The following REPS1 variants were observed in gnomAD, a reference collection of about 807,000 sequenced individuals.
REPS1 encodes ralBP1-associated Eps domain-containing protein 1.
A neutral mutation model predicts 100.9 loss-of-function variants in REPS1; 39 were observed. The ratio of observed to expected loss-of-function variants is 0.39; its 90% CI spans 0.30 to 0.50. The LOEUF (loss-of-function observed/expected upper bound fraction) is 0.50. REPS1 is among the 20% of genes least tolerant of loss of function. The pLI, the probability that REPS1 is intolerant of heterozygous loss-of-function variation, is 0.86. For synonymous variants in REPS1, 324 were observed against 340.3 expected (o/e 0.95, Z 0.53); for missense variants, 821 against 968.5 (o/e 0.85, Z 2.02).
chr6:138,976,331 T>C (rs1328133419), intron 1 of REPS1, among the ~76,000 whole-genome samples: 1 of 152,188 alleles, frequency 6.6e-6, no homozygotes, highest in Non-Finnish European at 1.5e-5. Flanking sequence ...AGGAACATGC[T>C]ATTATAATTG....
chr6:138,963,288 T>C (rs1268932542), intron 1 of REPS1, among the ~76,000 whole-genome samples: 1 of 152,210 alleles, frequency 6.6e-6, no homozygotes, highest in Non-Finnish European at 1.5e-5. Context: ...CCATTTGAGT[T>C]ACTAGTATTA....
At position 138,974,994 on chromosome 6, in the gene REPS1, C is replaced by CA. The variant is rs80057574; in HGVS notation, c.153+12535dup. On this transcript the variant is annotated intron_variant, in intron 1 of 19. Transcript: ENST00000450536. ...TGGGTGACAGAGTGAGACCCTGTCT[C>CA]AAAAAAAAAAAAAGTTAGGCTTGCA... is the stretch of plus-strand genomic sequence containing the variant. 2.9e-3 allele frequency among the ~76,000 whole-genome samples: 393 copies of CA among 135,768 alleles called. 1 individual carries two copies. The highest frequency in any genetic ancestry group is 4.8e-3 in the East Asian group (23 of 4,754). The allele number at this position is 135,768 out of a possible 152,430, so 89.1% of individuals were successfully genotyped here.
At chr6:138,926,978 C>T (rs973356277) in intron 9 of REPS1, 5 of 154,258 alleles carry the variant, frequency 3.2e-5, no homozygotes, top group African/African-American at 9.7e-5. Context: ...CTATTATGTA[C>T]GTGCACATAT....
intron 1 of REPS1, among the ~76,000 whole-genome samples, chr6:138,972,295 AATAG>A (rs1246461755): frequency 6.6e-6 from 1 of 152,206 alleles, no homozygotes; most frequent in Non-Finnish European, 1.5e-5. Context: ...GATAAAAAAG[AATAG>A]ATAAAGAACA....
At chr6:138,911,005 A>G (rs1779968348) in intron 17 of REPS1, 1 of 256,982 alleles carries the variant, frequency 3.9e-6, no homozygotes, top group South Asian at 1.0e-4. Context: ...AATAAAAGAA[A>G]CTGAATTTCA....
chr6:138,944,747 T>G (rs866914485), intron 4 of REPS1, 125 bp from the exon 5 acceptor site: 1 of 808,086 alleles, frequency 1.2e-6, no homozygotes, highest in African/African-American at 1.7e-5. Flanking sequence ...TTCTGTTCTA[T>G]TAGAAATTAT....
At chr6:138,964,452 T>C (rs1783905957) in intron 1 of REPS1, among the ~76,000 whole-genome samples, 1 of 152,142 alleles carries the variant, frequency 6.6e-6, no homozygotes, top group African/African-American at 2.4e-5. Context: ...TACAGCTAAA[T>C]AGTAACATTA....
intron 1 of REPS1, among the ~76,000 whole-genome samples, chr6:138,986,380 A>G (rs1175205753): frequency 2.0e-5 from 3 of 152,244 alleles, no homozygotes; most frequent in African/African-American, 4.8e-5. Context: ...AACTTCTAAA[A>G]CAGAGACCTG....
intron 1 of REPS1, among the ~76,000 whole-genome samples, chr6:138,977,801 C>T (rs1784681887): frequency 6.6e-6 from 1 of 152,182 alleles, no homozygotes; most frequent in Non-Finnish European, 1.5e-5. Flanking sequence ...CAAATTTATG[C>T]TTAACTTTTT....
At chr6:138,976,605 A>G (rs191753999) in intron 1 of REPS1, among the ~76,000 whole-genome samples, 3 of 152,318 alleles carry the variant, frequency 2.0e-5, no homozygotes, top group African/African-American at 4.8e-5. Flanking sequence ...ATATTTCTAT[A>G]ATTTCCCATA....
chr6:138,911,434 A>G, intron 16 of REPS1, 63 bp from the exon 17 acceptor site: 5 of 1,025,064 alleles, frequency 4.9e-6, no homozygotes, highest in Non-Finnish European at 7.6e-6. Flanking sequence ...ATAAATATAG[A>G]ATATGTACCA....
chr6:138,948,532 A>T (rs1247759889), intron 1 of REPS1, among the ~76,000 whole-genome samples: 1 of 152,198 alleles, frequency 6.6e-6, no homozygotes, highest in Non-Finnish European at 1.5e-5. Context: ...GTGTTCAAGG[A>T]TCTACATTAA....
chr6:138,966,836 A>G (rs938893180), intron 1 of REPS1, among the ~76,000 whole-genome samples: 4 of 152,242 alleles, frequency 2.6e-5, no homozygotes, highest in Non-Finnish European at 5.9e-5. Flanking sequence ...TAATACAAAT[A>G]TCATTTCTCT....
intron 10 of REPS1, 117 bp downstream of exon 10, chr6:138,926,284 C>G (rs1430173859): frequency 3.0e-6 from 2 of 660,990 alleles, no homozygotes; most frequent in African/African-American, 3.7e-5. Context: ...AAAAAGCCTG[C>G]CGCCACTTCC....
rs71013004 is a variant in REPS1 at position 138,969,269 on chromosome 6, A to ATTTTTTTTTTTTTT, written c.153+18247_153+18260dup. 8.0e-3 allele frequency among the ~76,000 whole-genome samples: 593 copies of ATTTTTTTTTTTTTT among 74,230 alleles called. 78 individuals carry two copies. The highest frequency in any genetic ancestry group is 0.032 in the East Asian group (61 of 1,932). 48.7% of individuals were successfully genotyped at this position (74,230 alleles called of 152,430 possible). A position where few individuals can be genotyped will look rare whatever the true frequency, so the allele number is the denominator to read the frequency against. ...ACACAATCTATGATACAAAGCTGTA[A>ATTTTTTTTTTTTTT]TTTTTTTTTTTTTTTTTTTTTTTTT... On this transcript the variant is annotated intron_variant, in intron 1 of 19. Transcript: ENST00000450536.
intron 1 of REPS1, among the ~76,000 whole-genome samples, chr6:138,962,506 A>C (rs1783798544): frequency 6.6e-6 from 1 of 152,204 alleles, no homozygotes; most frequent in Non-Finnish European, 1.5e-5. Flanking sequence ...AGGGAAATTA[A>C]TTACTAAAAA....
intron 10 of REPS1, 91 bp downstream of exon 10, chr6:138,926,310 T>A (rs1781120423): frequency 2.1e-6 from 2 of 938,354 alleles, no homozygotes; most frequent in African/African-American, 1.6e-5. Context: ...AGCACTCCAC[T>A]GAATCATGCA....
At chr6:138,987,425 G>T in intron 1 of REPS1, 105 bp downstream of exon 1, 1 of 1,234,170 alleles carries the variant, frequency 8.1e-7, no homozygotes, top group Non-Finnish European at 1.1e-6. Context: ...ACCCCCCGAG[G>T]AACCAGCCCC....
rs564142548 is a variant in REPS1, at chr6:138,942,013, G to A, written c.981-524C>T. 9.2e-5 allele frequency among the ~76,000 whole-genome samples: 14 copies of A among 152,216 alleles called. No individual in the cohort carries two copies. The South Asian group carries it at 2.7e-3, about 29-fold the overall frequency. ...CTTGCCTCAGCTTCCTGAGTAGCTG[G>A]GATTACAGGTACGCGTCACCATGCC... is the stretch of plus-strand genomic sequence containing the variant. On this transcript the variant is annotated intron_variant, in intron 7 of 19. Transcript: ENST00000450536.
Sources: gnomAD v4.1 joint callset for allele counts (sites outside exome capture counted in the v4.1 genomes callset) on GRCh38, gnomAD v4.1.1 for gene constraint, MANE v1.5 for transcripts, NCBI Gene and HGNC (gene_info 2026-07-23, HGNC 2026-07-21) for gene names.